Variants in EML2 observed in about 807,000 individuals in gnomAD.
EML2 encodes EMAP like 2.
Under a neutral mutation model 84.7 loss-of-function variants are expected in EML2, and 59 were observed. The observed-to-expected ratio is 0.70, with a 90% CI of 0.56 to 0.86. The LOEUF is 0.86. EML2 is among the 40% of genes least tolerant of loss of function. The pLI is 0.00. For missense variants in EML2, 818 were observed against 855.6 expected (o/e 0.96, Z 0.55); for synonymous variants, 352 against 348.9 (o/e 1.01, Z -0.10).
intron 18 of EML2, among the ~76,000 whole-genome samples, chr19:45,612,701 A>G (rs1045389529): frequency 6.6e-6 from 1 of 152,152 alleles, no homozygotes; most frequent in African/African-American, 2.4e-5. Context: ...TAAAAAAAGA[A>G]GAGAAAGGAG....
chr19:45,642,095 G>T (rs1293885655), upstream of EML2: 2 of 1,458,750 alleles, frequency 1.4e-6, no homozygotes, highest in Non-Finnish European at 1.8e-6. Context: ...ACCAGGCCCC[G>T]GTCCTCCCCA....
At position 45,616,869 on chromosome 19, in the gene EML2, G is replaced by A. The variant is rs1971146310; in HGVS notation, c.1323-16C>T. On this transcript the variant is annotated splice_polypyrimidine_tract_variant and intron_variant, in intron 13 of 18. Transcript: ENST00000245925. ...CAGCAGCCATCTTGAAGGAGAGGGCGTGGTGGGGGGAGGAGGGGTGAGCTG... is the reference window on the plus strand; with the variant it reads ...CAGCAGCCATCTTGAAGGAGAGGGCATGGTGGGGGGAGGAGGGGTGAGCTG... 2 of 1,597,406 alleles carry A rather than the reference G, an allele frequency of 1.3e-6. No individual in the cohort carries two copies. Among genetic ancestry groups the A allele is most frequent in the Non-Finnish European group, 8.6e-7 (1 of 1,167,084 alleles).
Position 45,634,422 on chromosome 19 carries a change from TGGGCA to T in EML2, c.224_228del (p.Leu75HisfsTer31). 6.2e-7 allele frequency: 1 copy of T among 1,614,022 alleles called. No homozygotes were observed. Among genetic ancestry groups the T allele is most frequent in the Non-Finnish European group, 8.5e-7 (1 of 1,179,972 alleles). Reference sequence around the variant, plus strand: ...GCCACAAAGTACACTATCTCCCCGGTGGGCAGCAAATAAAGGTTGGCCCGGCAGTC... The same window carrying T: ...GCCACAAAGTACACTATCTCCCCGGTGCAAATAAAGGTTGGCCCGGCAGTC... On this transcript the variant is annotated frameshift_variant, in exon 4 of 19. Coordinates refer to ENST00000245925, the MANE Select transcript of EML2 (RefSeq NM_012155.4). LOFTEE classifies it high-confidence loss of function.
At chr19:45,617,007 AGG>A (rs1971168269) in intron 13 of EML2, among the ~76,000 whole-genome samples, 154 bp from the exon 14 acceptor site, 1 of 152,268 alleles carries the variant, frequency 6.6e-6, no homozygotes, top group South Asian at 2.1e-4. Context: ...GCACGCTGGG[AGG>A]CCGAGGCGGG....
chr19:45,616,205 G>T (rs1307929494), intron 15 of EML2: 2 of 528,100 alleles, frequency 3.8e-6, no homozygotes, highest in Admixed American at 3.3e-5. Context: ...GGCGGTCTCG[G>T]AACGTGAGGG....
At chr19:45,637,667 C>CTTTTTT (rs58180181) in intron 3 of EML2, among the ~76,000 whole-genome samples, 240 of 48,878 alleles carry the variant, frequency 4.9e-3, no homozygotes, top group Non-Finnish European at 6.5e-3. Context: ...TTTTTCTTTT[C>CTTTTTT]TTTTTTTTTT....
chr19:45,620,785 G>T (rs570497779), intron 11 of EML2: 18 of 344,776 alleles, frequency 5.2e-5, no homozygotes, highest in South Asian at 3.9e-4. Context: ...TCAGGGGTAA[G>T]GAAGGGAGGG....
intron 6 of EML2, 173 bp downstream of exon 6, chr19:45,632,688 G>C (rs1973197885): frequency 1.7e-6 from 1 of 601,162 alleles, no homozygotes; most frequent in Non-Finnish European, 2.9e-6. Context: ...GGCGGGCACG[G>C]TGACTCACCC....
At chr19:45,637,730 G>C (rs1200216842) in intron 3 of EML2, among the ~76,000 whole-genome samples, 1 of 135,090 alleles carries the variant, frequency 7.4e-6, no homozygotes, top group Non-Finnish European at 1.5e-5. Context: ...AGGCCGGAAA[G>C]CAGTGGGGCA....
chr19:45,632,858 T>C lies in EML2; in HGVS notation c.510+3A>G, dbSNP rs779275198. Reference sequence around the variant, plus strand: ...GCGGGGTTAGGGTGGGCGAAGGACTTACAGATTTGGAGAAGCCCACACAGC... The same window carrying C: ...GCGGGGTTAGGGTGGGCGAAGGACTCACAGATTTGGAGAAGCCCACACAGC... On this transcript the variant is annotated splice_donor_region_variant and intron_variant, in intron 6 of 18. Transcript: ENST00000245925. The C allele has an allele frequency of 6.2e-7, 1 of 1,613,376 alleles. No individual in the cohort carries two copies. The highest frequency in any genetic ancestry group is 8.5e-7 in the Non-Finnish European group (1 of 1,179,584).
At position 45,619,210 on chromosome 19, in the gene EML2, A is replaced by G; in HGVS notation, c.1123-19T>C. The stretch of plus-strand genomic sequence containing the variant: ...CATGGCCCTGGTGGAAAGGGAGGAC[A>G]GCAGGATGGAGACAGCAGCCCTGGC... On this transcript the variant is annotated intron_variant, in intron 11 of 18. Coordinates refer to ENST00000245925, the MANE Select transcript of EML2 (RefSeq NM_012155.4). 9 of 1,605,184 alleles carry G rather than the reference A, an allele frequency of 5.6e-6. No individual in the cohort carries two copies. Among genetic ancestry groups the G allele is most frequent in the Non-Finnish European group, 7.7e-6 (9 of 1,175,912 alleles).
upstream of EML2, among the ~76,000 whole-genome samples, chr19:45,643,407 C>T (rs539986485): frequency 1.6e-4 from 24 of 152,308 alleles, no homozygotes; most frequent in African/African-American, 4.8e-4. Flanking sequence ...CTTTTCTGTT[C>T]CCCTTCTTTA....
Position 45,616,568 on chromosome 19 carries a change from G to A in EML2, c.1412-10C>T, listed in dbSNP as rs756458089. ...GCCAGGTACGCCCCGTCTGGGGGAGGGGGAGGGGGGCTATGAGGAGGCACC... is the reference window on the plus strand; with the variant it reads ...GCCAGGTACGCCCCGTCTGGGGGAGAGGGAGGGGGGCTATGAGGAGGCACC... On this transcript the variant is annotated splice_polypyrimidine_tract_variant and intron_variant, in intron 14 of 18. Transcript: ENST00000245925. The A allele has an allele frequency of 6.2e-6, 10 of 1,604,626 alleles. No individual in the cohort carries two copies. In the African/African-American group the frequency reaches 1.2e-4, roughly 19 times the overall value.
intron 9 of EML2, among the ~76,000 whole-genome samples, chr19:45,622,650 C>T (rs1420208360): frequency 6.6e-6 from 1 of 152,094 alleles, no homozygotes; most frequent in Non-Finnish European, 1.5e-5. Flanking sequence ...GGGCTGGTCT[C>T]GAACTCTTTG....
chr19:45,629,179 G>A (rs966179409), intron 7 of EML2, among the ~76,000 whole-genome samples: 11 of 152,152 alleles, frequency 7.2e-5, no homozygotes, highest in Admixed American at 1.3e-4. Context: ...GCCCAGGCTG[G>A]AGTGTAATGG....
intron 8 of EML2, among the ~76,000 whole-genome samples, chr19:45,626,261 C>A (rs573075377): frequency 5.3e-5 from 8 of 152,130 alleles, no homozygotes; most frequent in African/African-American, 1.9e-4. Flanking sequence ...ATCCTCCCCC[C>A]TCAGCCTCCC....
intron 10 of EML2, 40 bp downstream of exon 10, chr19:45,621,443 G>A: frequency 6.3e-7 from 1 of 1,592,934 alleles, no homozygotes; most frequent in South Asian, 1.1e-5. Flanking sequence ...GATCGGGGGG[G>A]GCCTCTCTAC....
At chr19:45,641,795 G>A (rs767584884), upstream of EML2, 2 of 1,529,166 alleles carry the variant, frequency 1.3e-6, no homozygotes, top group Non-Finnish European at 1.8e-6. Context: ...AGGCCAGCAG[G>A]CGAGTGCCGT....
Position 45,609,614 on chromosome 19 carries a change from T to C in EML2, c.*49A>G, listed in dbSNP as rs1174154658. The C allele has an allele frequency of 1.9e-6, 3 of 1,549,180 alleles. No homozygotes were observed. On this transcript the variant is annotated 3_prime_UTR_variant, in exon 19 of 19. Transcript: ENST00000245925. ...ATTACTCTACTCGGCAATAGACATC[T>C]CCCGAAAATAGAATTCCTGCCCTGA...
Sources: allele counts gnomAD v4.1 joint callset (sites outside exome capture counted in the v4.1 genomes callset), GRCh38; gene constraint gnomAD v4.1.1; transcripts MANE v1.5; gene names NCBI Gene and HGNC (gene_info 2026-07-23, HGNC 2026-07-21).